Variants in RGL1 observed in about 807,000 individuals in gnomAD.
RGL1 encodes the protein ral guanine nucleotide dissociation stimulator like 1.
A neutral mutation model predicts 95.2 loss-of-function variants in RGL1; 24 were observed. That is an observed-to-expected ratio of 0.25 (90% CI 0.18 to 0.35). The LOEUF is 0.35. Among genes scored for constraint, RGL1 ranks in the 10% least tolerant of loss-of-function variants. The pLI is 1.00. For synonymous variants in RGL1, 329 were observed against 344.9 expected (o/e 0.95, Z 0.51); for missense variants, 715 against 936.3 (o/e 0.76, Z 3.08).
At chr1:183,664,898 G>A (rs540633335) in intron 1 of RGL1, among the ~76,000 whole-genome samples, 2 of 152,066 alleles carry the variant, frequency 1.3e-5, no homozygotes, top group African/African-American at 2.4e-5. Flanking sequence ...TATTGTGTTA[G>A]CTAGGATTTC....
At chr1:183,663,089 G>A (rs1003368625) in intron 1 of RGL1, among the ~76,000 whole-genome samples, 2 of 151,172 alleles carry the variant, frequency 1.3e-5, no homozygotes, top group Admixed American at 6.6e-5. Flanking sequence ...TTAAACGTTA[G>A]ACCTAAAACC....
rs1669670957 is a variant in RGL1, at chr1:183,927,318, G to A, written c.*1026G>A. ...ATGTGCAATTTATTCCTCAGGTGTGGAAATTTCTACTGCAATTGACTACGT... is the reference window on the plus strand; with the variant it reads ...ATGTGCAATTTATTCCTCAGGTGTGAAAATTTCTACTGCAATTGACTACGT... On this transcript the variant is annotated 3_prime_UTR_variant, in exon 18 of 18. Coordinates refer to ENST00000360851, the MANE Select transcript of RGL1 (RefSeq NM_001297671.3). 1 of 152,508 alleles carries A rather than the reference G, an allele frequency of 6.6e-6. No individual in the cohort carries two copies. The highest frequency in any genetic ancestry group is 1.5e-5 in the Non-Finnish European group (1 of 68,006). The allele number at this position is 152,508 out of a possible 1,614,324, so 9.4% of individuals were successfully genotyped here. A position where few individuals can be genotyped will look rare whatever the true frequency, so the allele number is the denominator to read the frequency against.
chr1:183,892,241 C>T, intron 9 of RGL1, 80 bp downstream of exon 9: 1 of 1,010,412 alleles, frequency 9.9e-7, no homozygotes, highest in Non-Finnish European at 1.4e-6. Flanking sequence ...GTGAGGGCTC[C>T]TTAAGTTCCT....
At chr1:183,698,154 T>G (rs1654360030) in intron 1 of RGL1, among the ~76,000 whole-genome samples, 1 of 152,232 alleles carries the variant, frequency 6.6e-6, no homozygotes. Flanking sequence ...AATATCACAT[T>G]GATGACTTAA....
intron 1 of RGL1, among the ~76,000 whole-genome samples, chr1:183,643,480 A>AAGGGGTTTCACCATGTT (rs1558129130): frequency 6.6e-6 from 1 of 151,978 alleles, no homozygotes; most frequent in Non-Finnish European, 1.5e-5. Context: ...TTTAGTAGAG[A>AAGGGGTTTCACCATGTT]AGGGGTTTCA....
In RGL1 at chr1:183,922,210, T is replaced by C; in HGVS notation, c.2005-12T>C. 1.9e-6 allele frequency: 3 copies of C among 1,610,212 alleles called. No homozygotes were observed. The highest frequency in any genetic ancestry group is 2.6e-6 in the Non-Finnish European group (3 of 1,176,462). On this transcript the variant is annotated splice_polypyrimidine_tract_variant and intron_variant, in intron 16 of 17. Coordinates refer to ENST00000360851, the MANE Select transcript of RGL1 (RefSeq NM_001297671.3). ...GCTAAGTACTTTACAAACCTGTTCA[T>C]TGTCTTTGCAGTTGACGAGCCAGGA...
At chr1:183,757,340 T>A (rs938869805) in intron 2 of RGL1, among the ~76,000 whole-genome samples, 5 of 152,012 alleles carry the variant, frequency 3.3e-5, no homozygotes, top group Non-Finnish European at 7.4e-5. Flanking sequence ...AAGAGAGAAG[T>A]TTTTAAAAAC....
intron 1 of RGL1, among the ~76,000 whole-genome samples, chr1:183,741,023 G>A (rs1358565800): frequency 6.6e-6 from 1 of 152,122 alleles, no homozygotes; most frequent in African/African-American, 2.4e-5. Context: ...TATTCTCTTG[G>A]GATGGGGATT....
intron 4 of RGL1, among the ~76,000 whole-genome samples, chr1:183,875,526 A>G (rs1162217298): frequency 6.6e-6 from 1 of 152,124 alleles, no homozygotes; most frequent in Non-Finnish European, 1.5e-5. Context: ...GCCAAGGTGC[A>G]TCTGTCTAAT....
At chr1:183,860,806 GGTTT>G (rs1405479209) in intron 3 of RGL1, among the ~76,000 whole-genome samples, 3 of 152,116 alleles carry the variant, frequency 2.0e-5, no homozygotes, top group Admixed American at 2.0e-4. Flanking sequence ...CAGAGACTTT[GGTTT>G]GTTTGCTGCT....
intron 16 of RGL1, among the ~76,000 whole-genome samples, chr1:183,920,834 C>T (rs1669272478): frequency 1.3e-5 from 2 of 152,200 alleles, no homozygotes; most frequent in Admixed American, 1.3e-4. Context: ...ACAAGGACCC[C>T]TTTGTAATGC....
intron 4 of RGL1, among the ~76,000 whole-genome samples, chr1:183,874,868 A>G (rs1666396922): frequency 6.6e-6 from 1 of 152,176 alleles, no homozygotes; most frequent in Non-Finnish European, 1.5e-5. Context: ...TCCCTGAAAC[A>G]GAGCAAAACT....
chr1:183,810,469 A>T (rs1558220323), intron 2 of RGL1, among the ~76,000 whole-genome samples: 1 of 152,202 alleles, frequency 6.6e-6, no homozygotes, highest in Non-Finnish European at 1.5e-5. Context: ...TTTCCCACAT[A>T]GGCTCTTGAT....
chr1:183,706,881 A>G (rs1367141451), intron 1 of RGL1, among the ~76,000 whole-genome samples: 1 of 152,164 alleles, frequency 6.6e-6, no homozygotes, highest in East Asian at 1.9e-4. Context: ...TGCGCCAAAT[A>G]CTGGGGGTGG....
intron 1 of RGL1, among the ~76,000 whole-genome samples, chr1:183,722,447 T>C (rs1224169033): frequency 6.6e-6 from 1 of 152,132 alleles, no homozygotes; most frequent in Non-Finnish European, 1.5e-5. Context: ...ATCTTTCATA[T>C]TTTATGAAAG....
At chr1:183,730,083 T>C (rs1223402118) in intron 1 of RGL1, among the ~76,000 whole-genome samples, 1 of 152,178 alleles carries the variant, frequency 6.6e-6, no homozygotes, top group Non-Finnish European at 1.5e-5. Context: ...AGTCATAGAA[T>C]ATACCCTTAA....
intron 1 of RGL1, among the ~76,000 whole-genome samples, chr1:183,646,187 A>G (rs1049494598): frequency 6.6e-6 from 1 of 152,232 alleles, no homozygotes; most frequent in Non-Finnish European, 1.5e-5. Context: ...AAACCTCAAC[A>G]GTACTTCTTT....
chr1:183,828,841 T>A (rs892283669), intron 2 of RGL1, among the ~76,000 whole-genome samples: 16 of 149,338 alleles, frequency 1.1e-4, no homozygotes, highest in African/African-American at 3.9e-4. Flanking sequence ...CTACTCGGAA[T>A]AAAACTGGTA....
At chr1:183,694,078 C>A in intron 1 of RGL1, among the ~76,000 whole-genome samples, 1 of 152,174 alleles carries the variant, frequency 6.6e-6, no homozygotes, top group East Asian at 1.9e-4. Flanking sequence ...TACTTGGCAA[C>A]CTGATTTCTG....
Sources: allele counts gnomAD v4.1 joint callset (sites outside exome capture counted in the v4.1 genomes callset), GRCh38; gene constraint gnomAD v4.1.1; transcripts MANE v1.5; gene names NCBI Gene and HGNC (gene_info 2026-07-23, HGNC 2026-07-21).